DPH6: variants seen among roughly 807,000 people sequenced by gnomAD.
DPH6 encodes the protein diphthamine biosynthesis 6.
Under a neutral mutation model 38.2 loss-of-function variants are expected in DPH6, and 33 were observed. The observed-to-expected ratio is 0.86, with a 90% confidence interval of 0.65 to 1.15. DPH6 has a LOEUF of 1.15. DPH6 is among the 50% of genes most tolerant of loss of function. The pLI is 0.00. For missense variants in DPH6, 325 were observed against 320.0 expected (o/e 1.02, Z -0.12); for synonymous variants, 108 against 103.0 (o/e 1.05, Z -0.30).
intron 3 of DPH6, among the ~76,000 whole-genome samples, chr15:35,359,533 G>A (rs1168192164): frequency 6.6e-6 from 1 of 152,190 alleles, no homozygotes; most frequent in African/African-American, 2.4e-5. Context: ...GACCCAGTGA[G>A]CTCCCAGGGC....
chr15:35,391,493 G>T (rs1036861837), intron 6 of DPH6, among the ~76,000 whole-genome samples: 2 of 152,220 alleles, frequency 1.3e-5, no homozygotes, highest in Non-Finnish European at 2.9e-5. Context: ...GCTCCACTCA[G>T]TTCGAGCTTC....
downstream of DPH6, among the ~76,000 whole-genome samples, chr15:35,328,052 T>C (rs2052298942): frequency 1.3e-5 from 2 of 152,160 alleles, no homozygotes. Context: ...TCACTCATCT[T>C]CACTGCAACA....
intron 3 of DPH6, among the ~76,000 whole-genome samples, chr15:35,331,943 C>A (rs1248710008): frequency 6.6e-6 from 1 of 152,092 alleles, no homozygotes; most frequent in East Asian, 1.9e-4. Flanking sequence ...AATGTATGCC[C>A]AGAGCTTTTG....
chr15:35,385,724 T>G (rs1042448156), intron 6 of DPH6, among the ~76,000 whole-genome samples: 1 of 152,062 alleles, frequency 6.6e-6, no homozygotes, highest in African/African-American at 2.4e-5. Context: ...GTAACAAACC[T>G]GCACATTCTG....
intron 6 of DPH6, among the ~76,000 whole-genome samples, chr15:35,403,136 A>G (rs1441668250): frequency 6.6e-6 from 1 of 152,142 alleles, no homozygotes; most frequent in Non-Finnish European, 1.5e-5. Flanking sequence ...AACCTTGTAT[A>G]TAAAACAAAT....
At chr15:35,431,810 T>C (rs1449685417) in intron 5 of DPH6, among the ~76,000 whole-genome samples, 2 of 151,998 alleles carry the variant, frequency 1.3e-5, no homozygotes, top group Admixed American at 1.3e-4. Context: ...TTTTTGGAGA[T>C]GGAGTCTCGC....
In DPH6 at chr15:35,492,021, C is replaced by T. The variant is rs2054489991; in HGVS notation, c.313-37201G>A. Reference sequence around the variant, plus strand: ...GAGAAGTCCCATAATCTGCTGTCTGCAAGCTGGAGACCCAAGAAAGCAAGT... The same window carrying T: ...GAGAAGTCCCATAATCTGCTGTCTGTAAGCTGGAGACCCAAGAAAGCAAGT... On this transcript the variant is annotated intron_variant, in intron 3 of 8. Transcript: ENST00000256538. Among the ~76,000 whole-genome samples the T allele has an allele frequency of 3.3e-5, 5 of 152,124 alleles. No individual in the cohort carries two copies. In the South Asian group the frequency reaches 1.0e-3, roughly 32 times the overall value.
the DPH6 span, among the ~76,000 whole-genome samples, chr15:35,205,202 G>T: frequency 6.6e-6 from 1 of 151,920 alleles, no homozygotes; most frequent in Non-Finnish European, 1.5e-5. Context: ...CCAATTCAAT[G>T]AATGCTGGTC....
chr15:35,505,330 C>G (rs534068756), intron 3 of DPH6, among the ~76,000 whole-genome samples: 1 of 151,622 alleles, frequency 6.6e-6, no homozygotes, highest in Non-Finnish European at 1.5e-5. Context: ...GGCACTTCCT[C>G]TTAACTCTAT....
chr15:35,251,068 T>C (rs573622923), intron 3 of DPH6, among the ~76,000 whole-genome samples: 13 of 152,270 alleles, frequency 8.5e-5, no homozygotes, highest in African/African-American at 1.9e-4. Flanking sequence ...CATGGATCAG[T>C]TTCTTTTTGA....
chr15:35,253,382 G>T (rs548367250), intron 3 of DPH6, among the ~76,000 whole-genome samples: 1 of 152,220 alleles, frequency 6.6e-6, no homozygotes, highest in Admixed American at 6.5e-5. Flanking sequence ...TGGTGCACAG[G>T]AACTATATGA....
chr15:35,301,343 C>T (rs577760791), intron 3 of DPH6, among the ~76,000 whole-genome samples: 7 of 152,100 alleles, frequency 4.6e-5, no homozygotes, highest in African/African-American at 1.7e-4. Context: ...TAACATGATG[C>T]CTTAAGAATG....
intron 3 of DPH6, chr15:35,365,773 T>C (rs73376772): frequency 0.018 from 17,644 of 984,906 alleles, 164 homozygotes; most frequent in African/African-American, 0.043. Context: ...ATGAGTCAAG[T>C]AGTCCTTTAA....
At chr15:35,288,632 C>A (rs192665770) in intron 3 of DPH6, among the ~76,000 whole-genome samples, 15 of 152,230 alleles carry the variant, frequency 9.9e-5, no homozygotes, top group Non-Finnish European at 1.5e-5. Flanking sequence ...GTGACCTGCC[C>A]GTGGGACATG....
At chr15:35,310,036 C>G (rs1401183802) in intron 3 of DPH6, among the ~76,000 whole-genome samples, 1 of 152,142 alleles carries the variant, frequency 6.6e-6, no homozygotes, top group Non-Finnish European at 1.5e-5. Context: ...AGTTTTAGAG[C>G]AGTGACTCAA....
At chr15:35,269,346 G>A (rs1477482727) in intron 3 of DPH6, among the ~76,000 whole-genome samples, 1 of 152,188 alleles carries the variant, frequency 6.6e-6, no homozygotes, top group Non-Finnish European at 1.5e-5. Context: ...CTCTCTAAGA[G>A]TAAGGAGAAC....
At chr15:35,294,511 C>A (rs1449062357) in intron 3 of DPH6, among the ~76,000 whole-genome samples, 1 of 152,086 alleles carries the variant, frequency 6.6e-6, no homozygotes, top group Non-Finnish European at 1.5e-5. Context: ...CTTGCAACTT[C>A]AACTTCAACA....
rs71417004 is a variant in DPH6, at chr15:35,426,115, CTT to C, written c.506-15221_506-15220del. On this transcript the variant is annotated intron_variant, in intron 5 of 8. Transcript: ENST00000256538. ...CAGTACTCGAAATTTGTATTTAACT[CTT>C]TTTTTTTCTTAAGTTGAAAATGGTA... 7.0e-3 allele frequency among the ~76,000 whole-genome samples: 1,050 copies of C among 150,386 alleles called. 2 individuals carry two copies. Among genetic ancestry groups the C allele is most frequent in the Non-Finnish European group, 0.01 (695 of 67,166 alleles).
At chr15:35,162,095 G>A in the DPH6 span, among the ~76,000 whole-genome samples, 1 of 151,736 alleles carries the variant, frequency 6.6e-6, no homozygotes, top group African/African-American at 2.4e-5. Flanking sequence ...ATTATTTCTT[G>A]CCACCTCAAC....
Sources: gnomAD v4.1 joint callset for allele counts (sites outside exome capture counted in the v4.1 genomes callset) on GRCh38, gnomAD v4.1.1 for gene constraint, MANE v1.5 for transcripts, NCBI Gene and HGNC (gene_info 2026-07-23, HGNC 2026-07-21) for gene names.